CNTN5: variants seen among roughly 807,000 people sequenced by gnomAD.
The protein encoded by CNTN5 is contactin 5.
Under a neutral mutation model 129.1 loss-of-function variants are expected in CNTN5, and 77 were observed. The ratio of observed to expected loss-of-function variants is 0.60; its 90% CI spans 0.50 to 0.72. The LOEUF is 0.72. CNTN5 is among the 30% of genes least tolerant of loss of function. The pLI is 0.00. For synonymous variants in CNTN5, 509 were observed against 465.6 expected (o/e 1.09, Z -1.20); for missense variants, 1,478 against 1,328.8 (o/e 1.11, Z -1.75).
At chr11:99,460,734 A>G (rs992190055) in intron 2 of CNTN5, among the ~76,000 whole-genome samples, 1 of 152,026 alleles carries the variant, frequency 6.6e-6, no homozygotes, top group African/African-American at 2.4e-5. Context: ...AACTTGAAAC[A>G]GTGAATCCTG....
At chr11:99,866,768 C>T (rs1471199860) in intron 6 of CNTN5, among the ~76,000 whole-genome samples, 1 of 152,162 alleles carries the variant, frequency 6.6e-6, no homozygotes, top group Non-Finnish European at 1.5e-5. Context: ...TGGCTTAGCC[C>T]ATGGGCGCTA....
rs10601594 is a variant in CNTN5, at chr11:99,749,786, ATTATT to A, written c.56-69753_56-69749del. ...TAAAGCAAGTCTATTTTAGTTATAT[ATTATT>A]TTATCATGGTTCCTGGAAGGTAAGA... On this transcript the variant is annotated intron_variant, in intron 3 of 24. Transcript: ENST00000524871. Among the ~76,000 whole-genome samples the A allele has an allele frequency of 7.5e-3, 1,146 of 152,294 alleles. 15 individuals are homozygous for A. The highest frequency in any genetic ancestry group is 0.026 in the African/African-American group (1,096 of 41,564).
intron 20 of CNTN5, among the ~76,000 whole-genome samples, chr11:100,305,948 A>T (rs557968050): frequency 2.2e-4 from 23 of 106,012 alleles, no homozygotes; most frequent in African/African-American, 9.3e-4. Context: ...CTGATTAGCT[A>T]AAAAAAAAAA....
At chr11:99,752,062 GA>G (rs5794018) in intron 3 of CNTN5, among the ~76,000 whole-genome samples, 10,876 of 149,388 alleles carry the variant, frequency 0.073, 646 homozygotes, top group African/African-American at 0.16. Flanking sequence ...AGAACTGTAA[GA>G]AAAAAAAAAA....
chr11:99,904,155 G>T (rs558926293), intron 6 of CNTN5, among the ~76,000 whole-genome samples: 1 of 152,196 alleles, frequency 6.6e-6, no homozygotes, highest in African/African-American at 2.4e-5. Context: ...TATACGTTAA[G>T]TTCTTGAATA....
At position 99,115,661 on chromosome 11, in the gene CNTN5, G is replaced by A. The variant is rs1202914830; in HGVS notation, c.-210+94391G>A. ...TGTAATCCCAGCTACTCGGGAGGCT[G>A]AGGCAGGAGAATCACTTGAACCTGG... On this transcript the variant is annotated intron_variant, in intron 1 of 24. Coordinates refer to ENST00000524871, the MANE Select transcript of CNTN5 (RefSeq NM_014361.4). Among the ~76,000 whole-genome samples the A allele has an allele frequency of 2.6e-5, 4 of 152,176 alleles. No individual in the cohort carries two copies. The East Asian group carries it at 7.7e-4, about 29-fold the overall frequency.
chr11:99,380,180 C>A (rs1046050876), intron 2 of CNTN5, among the ~76,000 whole-genome samples: 1 of 151,584 alleles, frequency 6.6e-6, no homozygotes, highest in African/African-American at 2.4e-5. Flanking sequence ...GCCAAGTAAC[C>A]ATTTGAAGAA....
At chr11:99,440,299 G>A (rs1327000014) in intron 2 of CNTN5, among the ~76,000 whole-genome samples, 1 of 151,944 alleles carries the variant, frequency 6.6e-6, no homozygotes, top group Non-Finnish European at 1.5e-5. Context: ...ATGACTTCTT[G>A]TACACCTAAA....
At chr11:99,390,131 C>CT (rs11396242) in intron 2 of CNTN5, among the ~76,000 whole-genome samples, 78,819 of 148,910 alleles carry the variant, frequency 0.53, 20,836 homozygotes, top group South Asian at 0.64. Context: ...TAAAATAAGC[C>CT]TTTTTTTTTT....
At chr11:99,673,902 G>C (rs142175323) in intron 3 of CNTN5, among the ~76,000 whole-genome samples, 1 of 152,128 alleles carries the variant, frequency 6.6e-6, no homozygotes, top group African/African-American at 2.4e-5. Context: ...GAATAGTGCT[G>C]CAATGGACAT....
intron 3 of CNTN5, among the ~76,000 whole-genome samples, chr11:99,708,673 C>A (rs78220780): frequency 0.016 from 2,417 of 151,818 alleles, 60 homozygotes; most frequent in African/African-American, 0.054. Context: ...TGCCTACTTT[C>A]TTTTCTCACT....
At chr11:99,866,700 A>G (rs1322479903) in intron 6 of CNTN5, among the ~76,000 whole-genome samples, 1 of 152,176 alleles carries the variant, frequency 6.6e-6, no homozygotes, top group African/African-American at 2.4e-5. Flanking sequence ...CTGACTCAGG[A>G]TTACTTATTT....
At chr11:99,201,719 G>A (rs567628608) in intron 1 of CNTN5, among the ~76,000 whole-genome samples, 25 of 152,258 alleles carry the variant, frequency 1.6e-4, no homozygotes, top group African/African-American at 5.8e-4. Context: ...ATGGAGGAAA[G>A]GCACAGAGGA....
At chr11:99,778,309 T>A (rs1437259572) in intron 3 of CNTN5, among the ~76,000 whole-genome samples, 1 of 151,822 alleles carries the variant, frequency 6.6e-6, no homozygotes. Context: ...TTGATCAATA[T>A]TGAGCAATGA....
chr11:99,233,832 G>T (rs1412046026), intron 1 of CNTN5, among the ~76,000 whole-genome samples: 1 of 152,082 alleles, frequency 6.6e-6, no homozygotes, highest in Non-Finnish European at 1.5e-5. Flanking sequence ...TGTGGTCCCA[G>T]CTACTTGGGA....
chr11:99,472,535 T>G, intron 2 of CNTN5, among the ~76,000 whole-genome samples: 1 of 152,358 alleles, frequency 6.6e-6, no homozygotes, highest in East Asian at 1.9e-4. Flanking sequence ...GTTCAACACT[T>G]ACTGTTGTGC....
intron 1 of CNTN5, among the ~76,000 whole-genome samples, chr11:99,101,665 C>T (rs1290538551): frequency 6.6e-6 from 1 of 152,190 alleles, no homozygotes; most frequent in Non-Finnish European, 1.5e-5. Context: ...GTCTTATATC[C>T]AGGTCACACT....
chr11:99,591,636 C>A (rs749126460), intron 3 of CNTN5, among the ~76,000 whole-genome samples: 2 of 152,146 alleles, frequency 1.3e-5, no homozygotes, highest in Non-Finnish European at 2.9e-5. Flanking sequence ...CCACGCCCAG[C>A]CCCTCAACAA....
chr11:99,227,499 G>C (rs1451259625), intron 1 of CNTN5, among the ~76,000 whole-genome samples: 1 of 151,998 alleles, frequency 6.6e-6, no homozygotes. Flanking sequence ...CTAGTGATTT[G>C]GTAATAGAAA....
Sources: gnomAD v4.1 joint callset for allele counts (sites outside exome capture counted in the v4.1 genomes callset) on GRCh38, gnomAD v4.1.1 for gene constraint, MANE v1.5 for transcripts, NCBI Gene and HGNC (gene_info 2026-07-23, HGNC 2026-07-21) for gene names.